Variants in SHISA9 observed in about 807,000 individuals in gnomAD.
The protein encoded by SHISA9 is protein shisa-9.
Under a neutral mutation model 38.0 loss-of-function variants are expected in SHISA9, and 13 were observed. That is an observed-to-expected ratio of 0.34 (90% CI 0.22 to 0.54). The LOEUF is 0.54. Ranked by LOEUF, SHISA9 falls within the 20% of genes least tolerant of loss-of-function variation. The pLI is 0.91. For missense variants in SHISA9, 538 were observed against 575.8 expected, an observed-to-expected ratio of 0.93 and a Z score of 0.67; for synonymous variants, 275 against 242.0, an observed-to-expected ratio of 1.14 and a Z score of -1.27.
At chr16:13,271,357 A>G in the SHISA9 span, among the ~76,000 whole-genome samples, 3 of 152,188 alleles carry the variant, frequency 2.0e-5, no homozygotes, top group African/African-American at 7.2e-5. Flanking sequence ...AGCCCATTAA[A>G]TCAACGTCAT....
At chr16:13,157,764 C>T (rs967205792) in intron 2 of SHISA9, among the ~76,000 whole-genome samples, 26 of 152,284 alleles carry the variant, frequency 1.7e-4, no homozygotes, top group African/African-American at 6.0e-4. Flanking sequence ...GGGAGACAAC[C>T]CTTCTGCCAG....
chr16:13,428,378 G>A, the SHISA9 span, among the ~76,000 whole-genome samples: 2 of 152,162 alleles, frequency 1.3e-5, no homozygotes, highest in Non-Finnish European at 2.9e-5. Flanking sequence ...GAGCCCTCCT[G>A]AATGGATGAC....
intron 2 of SHISA9, among the ~76,000 whole-genome samples, chr16:13,119,961 TG>T (rs1336592322): frequency 1.3e-5 from 2 of 151,442 alleles, no homozygotes; most frequent in African/African-American, 4.9e-5. Flanking sequence ...CTCGGAAAGA[TG>T]GGGCAGGGAC....
At chr16:13,318,246 G>A in the SHISA9 span, among the ~76,000 whole-genome samples, 10 of 152,124 alleles carry the variant, frequency 6.6e-5, no homozygotes, top group Admixed American at 2.0e-4. Context: ...AGGATGTTTA[G>A]AACATCCCTG....
chr16:13,364,466 C>T, the SHISA9 span, among the ~76,000 whole-genome samples: 1 of 152,192 alleles, frequency 6.6e-6, no homozygotes, highest in Non-Finnish European at 1.5e-5. Flanking sequence ...TTATGTCTTT[C>T]AATGAATATG....
chr16:13,135,631 C>CTTAA (rs2050342231), intron 2 of SHISA9, among the ~76,000 whole-genome samples: 1 of 152,194 alleles, frequency 6.6e-6, no homozygotes, highest in African/African-American at 2.4e-5. Context: ...TGATTCCTTG[C>CTTAA]TTAATGTATT....
At chr16:13,126,478 G>A (rs1051325481) in intron 2 of SHISA9, among the ~76,000 whole-genome samples, 6 of 150,296 alleles carry the variant, frequency 4.0e-5, no homozygotes, top group Non-Finnish European at 8.9e-5. Context: ...GAGAGGGAAG[G>A]AAGGATGAGA....
chr16:13,126,799 G>T (rs2050261656), intron 2 of SHISA9, among the ~76,000 whole-genome samples: 1 of 137,504 alleles, frequency 7.3e-6, no homozygotes, highest in African/African-American at 2.6e-5. Context: ...AGACTGAGGG[G>T]AGGAGAGAGA....
intron 4 of SHISA9, among the ~76,000 whole-genome samples, chr16:13,227,254 A>G (rs992120868): frequency 4.6e-5 from 7 of 152,328 alleles, no homozygotes; most frequent in Admixed American, 2.0e-4. Flanking sequence ...TGCAGCATGG[A>G]GAATGGATTA....
chr16:13,269,746 T>C, the SHISA9 span, among the ~76,000 whole-genome samples: 56,420 of 152,068 alleles, frequency 0.37, 11,854 homozygotes, highest in South Asian at 0.53. Context: ...AGAAAGAATT[T>C]AGGAGGCAGT....
chr16:12,999,869 C>T (rs1447647309), intron 2 of SHISA9, among the ~76,000 whole-genome samples: 1 of 152,178 alleles, frequency 6.6e-6, no homozygotes, highest in Non-Finnish European at 1.5e-5. Flanking sequence ...CACTTTCTCT[C>T]ACATTCCATT....
the SHISA9 span, among the ~76,000 whole-genome samples, chr16:13,309,573 G>A: frequency 6.6e-6 from 1 of 150,546 alleles, no homozygotes; most frequent in African/African-American, 2.4e-5. Context: ...AACCCGGGAG[G>A]TGGAGGTTGC....
intron 2 of SHISA9, among the ~76,000 whole-genome samples, chr16:13,052,203 A>G (rs1395364415): frequency 1.3e-5 from 2 of 152,224 alleles, no homozygotes; most frequent in Non-Finnish European, 2.9e-5. Context: ...GAAGCAAGCA[A>G]TGTGGTGTCA....
chr16:13,474,906 A>G, the SHISA9 span, among the ~76,000 whole-genome samples: 1 of 152,180 alleles, frequency 6.6e-6, no homozygotes, highest in East Asian at 1.9e-4. Flanking sequence ...AGTGAAGATG[A>G]AAGGGGATGA....
At chr16:13,340,463 C>T in the SHISA9 span, among the ~76,000 whole-genome samples, 4 of 152,066 alleles carry the variant, frequency 2.6e-5, no homozygotes, top group African/African-American at 9.7e-5. Context: ...TCCTCAGTGG[C>T]CGTGTTCCTG....
intron 2 of SHISA9, among the ~76,000 whole-genome samples, chr16:13,153,972 G>A (rs189556572): frequency 6.6e-6 from 1 of 151,342 alleles, no homozygotes; most frequent in Middle Eastern, 3.4e-3. Context: ...TGGGGGTGGG[G>A]GTGGGTTGAA....
intron 2 of SHISA9, among the ~76,000 whole-genome samples, chr16:13,065,446 C>A (rs572000285): frequency 6.6e-6 from 1 of 152,170 alleles, no homozygotes; most frequent in Non-Finnish European, 1.5e-5. Context: ...AAGGCCAAAG[C>A]CACGTTTAGG....
chr16:13,475,752 G>T, the SHISA9 span, among the ~76,000 whole-genome samples: 2 of 152,164 alleles, frequency 1.3e-5, no homozygotes, highest in Non-Finnish European at 2.9e-5. Flanking sequence ...ATCAGTGAGA[G>T]TCCTGACCTT....
the SHISA9 span, among the ~76,000 whole-genome samples, chr16:13,352,027 G>A: frequency 6.6e-6 from 1 of 152,184 alleles, no homozygotes; most frequent in Non-Finnish European, 1.5e-5. Context: ...ATCAAAGGAT[G>A]CTGGAGAGAT....
Sources: gnomAD v4.1 joint callset for allele counts (sites outside exome capture counted in the v4.1 genomes callset) on GRCh38, gnomAD v4.1.1 for gene constraint, MANE v1.5 for transcripts, NCBI Gene and HGNC (gene_info 2026-07-23, HGNC 2026-07-21) for gene names.